GALNT13: variants seen among roughly 807,000 people sequenced by gnomAD.
GALNT13 encodes polypeptide N-acetylgalactosaminyltransferase 13, also known as UDP-GalNAc:polypeptide N-acetylgalactosaminyltransferase 13.
In GALNT13, 28 loss-of-function variants were observed where a neutral mutation model predicts 64.2. The observed-to-expected ratio is 0.44, with a 90% CI of 0.32 to 0.60. The LOEUF (loss-of-function observed/expected upper bound fraction) is 0.60. GALNT13 is among the 20% of genes least tolerant of loss of function. GALNT13 has a pLI of 0.05. For synonymous variants in GALNT13, 214 were observed against 224.6 expected (o/e 0.95, Z 0.42); for missense variants, 577 against 669.8 (o/e 0.86, Z 1.53).
the GALNT13 span, among the ~76,000 whole-genome samples, chr2:153,384,419 G>A: frequency 1.3e-5 from 2 of 152,016 alleles, no homozygotes; most frequent in Non-Finnish European, 2.9e-5. Flanking sequence ...GTGACTCTTC[G>A]ATTAAGTCAT....
chr2:153,554,216 A>C, the GALNT13 span, among the ~76,000 whole-genome samples: 26,270 of 151,390 alleles, frequency 0.17, 2,343 homozygotes, highest in South Asian at 0.24. Flanking sequence ...AGTCCCAGCT[A>C]CTGGGGAGGC....
chr2:154,084,175 A>C (rs1334631109), intron 3 of GALNT13, among the ~76,000 whole-genome samples: 2 of 151,818 alleles, frequency 1.3e-5, no homozygotes, highest in South Asian at 2.1e-4. Context: ...TATAAATTTC[A>C]CTTTTTATTG....
At chr2:154,000,527 G>T (rs566762614) in intron 3 of GALNT13, among the ~76,000 whole-genome samples, 4 of 151,992 alleles carry the variant, frequency 2.6e-5, no homozygotes, top group African/African-American at 4.8e-5. Context: ...TGGTCTCAAA[G>T]AATTTTTACA....
At chr2:153,717,422 C>G in the GALNT13 span, among the ~76,000 whole-genome samples, 2 of 152,130 alleles carry the variant, frequency 1.3e-5, no homozygotes, top group Non-Finnish European at 2.9e-5. Context: ...TAAACTCTTG[C>G]AGGATACCAA....
At chr2:154,269,930 A>ATATATGTGTATATAT (rs1553506263) in intron 8 of GALNT13, among the ~76,000 whole-genome samples, 5 of 142,878 alleles carry the variant, frequency 3.5e-5, no homozygotes, top group South Asian at 2.2e-4. Flanking sequence ...ATATATTTCT[A>ATATATGTGTATATAT]AAGCACAGGG....
chr2:153,510,810 C>T, the GALNT13 span, among the ~76,000 whole-genome samples: 3 of 151,934 alleles, frequency 2.0e-5, no homozygotes, highest in African/African-American at 7.2e-5. Flanking sequence ...CTGTGGTTGG[C>T]GAGGTAGGAA....
chr2:154,195,202 A>G (rs918663154), intron 4 of GALNT13, among the ~76,000 whole-genome samples: 3 of 152,148 alleles, frequency 2.0e-5, no homozygotes, highest in African/African-American at 7.2e-5. Flanking sequence ...TATTTTGGGT[A>G]AACACAAATA....
chr2:153,371,920 G>A, the GALNT13 span, among the ~76,000 whole-genome samples: 1 of 152,136 alleles, frequency 6.6e-6, no homozygotes, highest in African/African-American at 2.4e-5. Context: ...GTGCATTAGT[G>A]GGCTTCACTT....
rs145046398 is a variant in GALNT13, at chr2:153,982,848, A to C, written c.142+38209A>C. Among the ~76,000 whole-genome samples, 719 of 152,068 alleles carry C rather than the reference A, an allele frequency of 4.7e-3. 5 individuals are homozygous for C. Among genetic ancestry groups the C allele is most frequent in the African/African-American group, 0.016 (654 of 41,542 alleles). ...CATATTTAATCTGTCTGGGGAAAAAAAAGAATATGCAATAGGAAGTTTTGG... is the reference window on the plus strand; with the variant it reads ...CATATTTAATCTGTCTGGGGAAAAACAAGAATATGCAATAGGAAGTTTTGG... On this transcript the variant is annotated intron_variant, in intron 3 of 12. Coordinates refer to ENST00000392825, the MANE Select transcript of GALNT13 (RefSeq NM_052917.4).
chr2:153,180,972 G>T, the GALNT13 span, among the ~76,000 whole-genome samples: 2 of 125,438 alleles, frequency 1.6e-5, no homozygotes, highest in East Asian at 4.8e-4. Context: ...TAGTTGCATT[G>T]ATCTTTTTTA....
intron 3 of GALNT13, among the ~76,000 whole-genome samples, chr2:153,989,247 G>A (rs575206941): frequency 3.0e-4 from 46 of 151,740 alleles, no homozygotes; most frequent in African/African-American, 1.1e-3. Context: ...ATCAACATAC[G>A]GTCATAGATC....
At chr2:153,378,313 T>G in the GALNT13 span, among the ~76,000 whole-genome samples, 2 of 147,092 alleles carry the variant, frequency 1.4e-5, no homozygotes, top group Non-Finnish European at 3.0e-5. Context: ...GATAGATAAT[T>G]TTTTTTTTTT....
At chr2:153,962,796 C>G (rs564344599) in intron 3 of GALNT13, among the ~76,000 whole-genome samples, 65 of 152,254 alleles carry the variant, frequency 4.3e-4, no homozygotes, top group African/African-American at 1.4e-3. Context: ...TCTAGGCAGC[C>G]CATTCCTCCA....
At chr2:153,282,466 T>G in the GALNT13 span, among the ~76,000 whole-genome samples, 1 of 152,190 alleles carries the variant, frequency 6.6e-6, no homozygotes, top group Non-Finnish European at 1.5e-5. Flanking sequence ...CAGGTTGGAG[T>G]GCAGTGGTGT....
chr2:153,844,903 C>A, the GALNT13 span, among the ~76,000 whole-genome samples: 3 of 152,184 alleles, frequency 2.0e-5, no homozygotes, highest in Non-Finnish European at 2.9e-5. Flanking sequence ...TTTGCTAAGG[C>A]ATAACATATG....
At chr2:154,124,593 A>C (rs1337916372) in intron 3 of GALNT13, among the ~76,000 whole-genome samples, 1 of 152,038 alleles carries the variant, frequency 6.6e-6, no homozygotes, top group Non-Finnish European at 1.5e-5. Context: ...TGGAATTAGA[A>C]AGTAGTAAAA....
chr2:153,320,323 C>T, the GALNT13 span, among the ~76,000 whole-genome samples: 3 of 152,138 alleles, frequency 2.0e-5, no homozygotes, highest in Non-Finnish European at 4.4e-5. Context: ...CCTATTCACC[C>T]GTTTATTCAG....
chr2:153,638,559 A>G, the GALNT13 span, among the ~76,000 whole-genome samples: 3 of 24,620 alleles, frequency 1.2e-4, 1 homozygote, highest in African/African-American at 2.9e-4. Flanking sequence ...ACATCTTTGA[A>G]TAGGTGAAAG....
At chr2:153,475,845 T>C in the GALNT13 span, among the ~76,000 whole-genome samples, 1 of 152,204 alleles carries the variant, frequency 6.6e-6, no homozygotes, top group Admixed American at 6.5e-5. Context: ...AGTGTCTGGT[T>C]TGTCCCAGAG....
Sources: allele counts gnomAD v4.1 joint callset (sites outside exome capture counted in the v4.1 genomes callset), GRCh38; gene constraint gnomAD v4.1.1; transcripts MANE v1.5; gene names NCBI Gene and HGNC (gene_info 2026-07-23, HGNC 2026-07-21).